Variants in PIK3C2G observed in about 807,000 individuals in gnomAD.
PIK3C2G encodes the protein phosphatidylinositol-4-phosphate 3-kinase catalytic subunit type 2 gamma.
Under a neutral mutation model 181.1 loss-of-function variants are expected in PIK3C2G, and 168 were observed. The ratio of observed to expected loss-of-function variants is 0.93; its 90% CI spans 0.82 to 1.05. The LOEUF is 1.05. Ranked by LOEUF, PIK3C2G falls within the 50% of genes least tolerant of loss-of-function variation. The probability of loss-of-function intolerance (pLI) is 0.00; values close to 1 mark genes in which losing one functional copy is unlikely to be tolerated. For missense variants in PIK3C2G, 1,869 were observed against 1,732.8 expected, an observed-to-expected ratio of 1.08 and a Z score of -1.40; for synonymous variants, 573 against 592.2, an observed-to-expected ratio of 0.97 and a Z score of 0.47.
chr12:18,663,454 T>C, the PIK3C2G span, among the ~76,000 whole-genome samples: 273 of 152,166 alleles, frequency 1.8e-3, 1 homozygote, highest in African/African-American at 6.1e-3. Context: ...TTAAACTACA[T>C]AGGAGGATAT....
chr12:18,306,290 A>G (rs1950418107), intron 5 of PIK3C2G, among the ~76,000 whole-genome samples: 1 of 151,946 alleles, frequency 6.6e-6, no homozygotes, highest in Admixed American at 6.6e-5. Context: ...GTATCAATTT[A>G]TGTCCCATAC....
chr12:18,719,552 A>G, the PIK3C2G span: 16 of 1,602,060 alleles, frequency 1.0e-5, no homozygotes, highest in Non-Finnish European at 1.2e-5. Flanking sequence ...ACTTTTCTAC[A>G]TTCATTTTTA....
chr12:18,687,991 G>T, the PIK3C2G span: 2 of 1,499,116 alleles, frequency 1.3e-6, no homozygotes, highest in Non-Finnish European at 1.8e-6. Flanking sequence ...CTTGTCTTAT[G>T]AATAATAAAT....
intron 25 of PIK3C2G, among the ~76,000 whole-genome samples, chr12:18,539,057 C>T (rs1231014311): frequency 6.6e-6 from 1 of 151,838 alleles, no homozygotes. Context: ...GGTCTATCAG[C>T]ATGGGATTTG....
chr12:18,407,897 A>G lies in PIK3C2G; in HGVS notation c.2315+8050A>G, dbSNP rs1330467332. The stretch of plus-strand genomic sequence containing the variant: ...TAGCTGAAGTCCAGGGGAGGAGTAC[A>G]TGATTTAAGATGAACTGACATTTGA... On this transcript the variant is annotated intron_variant, in intron 16 of 32. Coordinates refer to ENST00000538779, the MANE Select transcript of PIK3C2G (RefSeq NM_001288772.2). Among the ~76,000 whole-genome samples the G allele has an allele frequency of 5.3e-5, 8 of 152,264 alleles. No homozygotes were observed. The East Asian group carries it at 9.7e-4, about 18-fold the overall frequency.
At chr12:18,683,944 C>T in the PIK3C2G span, among the ~76,000 whole-genome samples, 5 of 152,050 alleles carry the variant, frequency 3.3e-5, no homozygotes, top group Admixed American at 1.3e-4. Context: ...GTCCCACACC[C>T]CCACCCCACC....
chr12:18,378,213 G>C (rs1942587240), intron 13 of PIK3C2G, among the ~76,000 whole-genome samples: 1 of 152,046 alleles, frequency 6.6e-6, no homozygotes, highest in South Asian at 2.1e-4. Flanking sequence ...GTAAAGCATA[G>C]CCAAGACATA....
intron 15 of PIK3C2G, among the ~76,000 whole-genome samples, chr12:18,398,912 TTGGCCGGGCGCAG>T (rs1453595185): frequency 2.6e-5 from 4 of 152,218 alleles, no homozygotes. Flanking sequence ...ATATGCCATT[TTGGCCGGGCGCAG>T]TGGCTCACGC....
chr12:18,383,325 G>C (rs992206070), intron 14 of PIK3C2G, among the ~76,000 whole-genome samples: 2 of 152,190 alleles, frequency 1.3e-5, no homozygotes, highest in Non-Finnish European at 1.5e-5. Context: ...TCCAGCTGGA[G>C]AGACAGACTT....
intron 29 of PIK3C2G, among the ~76,000 whole-genome samples, chr12:18,581,004 T>C (rs1177367241): frequency 6.6e-6 from 1 of 152,202 alleles, no homozygotes. Flanking sequence ...ATTACATTAC[T>C]TCTGGCCTTT....
intron 9 of PIK3C2G, among the ~76,000 whole-genome samples, chr12:18,339,932 A>G (rs527309231): frequency 1.4e-4 from 21 of 152,166 alleles, no homozygotes; most frequent in Non-Finnish European, 2.8e-4. Context: ...TGTAAACAAT[A>G]AATCCAGAAA....
At chr12:18,582,964 C>A (rs1946579629) in intron 29 of PIK3C2G, among the ~76,000 whole-genome samples, 1 of 152,090 alleles carries the variant, frequency 6.6e-6, no homozygotes, top group Non-Finnish European at 1.5e-5. Context: ...AGGCTGCCAT[C>A]TTTGCTCTTT....
intron 19 of PIK3C2G, 81 bp downstream of exon 19, chr12:18,488,710 C>A: frequency 3.4e-6 from 3 of 882,818 alleles, no homozygotes; most frequent in Non-Finnish European, 4.7e-6. Context: ...GTTTGCAAAG[C>A]AAATTCCTTG....
intron 1 of PIK3C2G, among the ~76,000 whole-genome samples, chr12:18,280,942 T>C (rs181689889): frequency 1.7e-4 from 26 of 151,892 alleles, no homozygotes; most frequent in African/African-American, 5.8e-4. Context: ...AGAAGAAAGA[T>C]GAGGAAGGGT....
rs1938834354 is a variant in PIK3C2G, at chr12:18,338,828, C to T, written c.1395+280C>T. ...ATTACACCTTTGAAGTTTGTAACCA[C>T]CTTATAACTTCAGGTGATATTGTAA... On this transcript the variant is annotated intron_variant, in intron 9 of 32. Transcript: ENST00000538779. Among the ~76,000 whole-genome samples the T allele has an allele frequency of 2.0e-5, 3 of 151,766 alleles. No individual in the cohort carries two copies. In the South Asian group the frequency reaches 6.2e-4, roughly 31 times the overall value.
At chr12:18,634,842 A>C (rs1051338754) in intron 31 of PIK3C2G, among the ~76,000 whole-genome samples, 2 of 152,236 alleles carry the variant, frequency 1.3e-5, no homozygotes, top group African/African-American at 4.8e-5. Context: ...TTCAGTGAGC[A>C]TTCACATGGG....
intron 24 of PIK3C2G, among the ~76,000 whole-genome samples, chr12:18,513,166 C>A (rs181121727): frequency 6.6e-6 from 1 of 151,834 alleles, no homozygotes; most frequent in East Asian, 1.9e-4. Context: ...GTGAATGATT[C>A]TTTTAATGTG....
chr12:18,273,085 T>C (rs1182891416), intron 1 of PIK3C2G, among the ~76,000 whole-genome samples: 5 of 151,990 alleles, frequency 3.3e-5, no homozygotes, highest in Non-Finnish European at 7.4e-5. Flanking sequence ...CTGGGGATGC[T>C]AGAATTACTC....
chr12:18,253,558 T>C (rs1479327005), intron 1 of PIK3C2G, among the ~76,000 whole-genome samples: 1 of 152,164 alleles, frequency 6.6e-6, no homozygotes, highest in Admixed American at 6.5e-5. Flanking sequence ...ACCAATGCAA[T>C]TTCAGAAGTA....
Sources: allele counts gnomAD v4.1 joint callset (sites outside exome capture counted in the v4.1 genomes callset), GRCh38; gene constraint gnomAD v4.1.1; transcripts MANE v1.5; gene names NCBI Gene and HGNC (gene_info 2026-07-23, HGNC 2026-07-21).